ACSL3: variants seen among roughly 807,000 people sequenced by gnomAD.
ACSL3 encodes fatty acid CoA ligase Acsl3.
Under a neutral mutation model 84.7 loss-of-function variants are expected in ACSL3, and 34 were observed. That is an observed-to-expected ratio of 0.40 (90% CI 0.31 to 0.53). The LOEUF (loss-of-function observed/expected upper bound fraction) is 0.53. ACSL3 is among the 20% of genes least tolerant of loss of function. The pLI, the probability that ACSL3 is intolerant of heterozygous loss-of-function variation, is 0.48. For missense variants in ACSL3, 680 were observed against 873.1 expected (o/e 0.78, Z 2.79); for synonymous variants, 315 against 299.4 (o/e 1.05, Z -0.54).
At position 222,908,962 on chromosome 2, in the gene ACSL3, C is replaced by T. The variant is rs547612841; in HGVS notation, c.190C>T (p.Pro64Ser). ...RIKAKPVNSK[P>S]DSAYRSVNSL... Reference sequence around the variant, plus strand: ...TAAAGCAAAGCCTGTAAATTCAAAACCTGATTCTGCATACAGATCTGTTAA... The same window carrying T: ...TAAAGCAAAGCCTGTAAATTCAAAATCTGATTCTGCATACAGATCTGTTAA... The change falls in exon 4 of 17, where the codon CCT becomes TCT. Residue 64 changes from proline to serine, a missense_variant. Around this residue, in one of 2 missense-constraint regions of ACSL3, gnomAD observed 333 missense variants for 347.5 expected, o/e 0.96. Transcript: ENST00000357430. The T allele has an allele frequency of 5.9e-5, 95 of 1,613,476 alleles. No homozygotes were observed. The South Asian group carries it at 9.3e-4, about 16-fold the overall frequency.
Position 222,918,064 on chromosome 2 carries a change from C to T in ACSL3, c.575C>T (p.Thr192Ile). The T allele has an allele frequency of 6.2e-7, 1 of 1,611,704 alleles. No homozygotes were observed. Among genetic ancestry groups the T allele is most frequent in the Non-Finnish European group, 8.5e-7 (1 of 1,178,580 alleles). Residue 192 changes from threonine to isoleucine, a missense_variant, in exon 6 of 17, where the codon ACT (threonine) becomes ATT (isoleucine). Thr to Ile is a moderately conservative substitution (Grantham distance 89). Around this residue, in one of 2 missense-constraint regions of ACSL3, gnomAD observed 333 missense variants for 347.5 expected, o/e 0.96. Coordinates refer to ENST00000357430, the MANE Select transcript of ACSL3 (RefSeq NM_004457.5). The stretch of plus-strand genomic sequence containing the variant: ...CTTTTAGTTGTTACATTATATGCCA[C>T]TCTAGGAGGTCCAGCCATTGTTCAT... Reference protein sequence around the residue: ...YNFQLVTLYATLGGPAIVHAL... With the variant: ...YNFQLVTLYAILGGPAIVHAL...
chr2:222,935,293 G>A (rs574169419), intron 16 of ACSL3, among the ~76,000 whole-genome samples: 26 of 152,226 alleles, frequency 1.7e-4, no homozygotes, highest in African/African-American at 6.0e-4. Context: ...AGGCTCAAGC[G>A]ATTCTTCCCT....
intron 2 of ACSL3, among the ~76,000 whole-genome samples, chr2:222,898,943 T>C (rs944534289): frequency 1.3e-5 from 2 of 152,192 alleles, no homozygotes; most frequent in Non-Finnish European, 2.9e-5. Flanking sequence ...AGGAACAGAA[T>C]GGTGTTTAGA....
At chr2:222,884,444 A>T (rs1032443163) in intron 1 of ACSL3, among the ~76,000 whole-genome samples, 7 of 152,216 alleles carry the variant, frequency 4.6e-5, no homozygotes, top group Non-Finnish European at 4.4e-5. Flanking sequence ...AATCAGTGTT[A>T]CTGGGTTGAA....
Position 222,916,496 on chromosome 2 carries a change from C to G in ACSL3, c.556C>G (p.Leu186Val), listed in dbSNP as rs748289341. ...GGCGTGTTTTATGTATAATTTTCAG[C>G]GTATGTAGACTTTCTTATCTTCTGG... ...AQACFMYNFQ[L>V]VTLYATLGGP... The change falls in exon 5 of 17, where the codon CTT (leucine) becomes GTT (valine). Residue 186 changes from leucine to valine, a missense_variant and splice_region_variant. This residue lies in a region of ACSL3 where 333 missense variants were observed against 347.5 expected (regional missense o/e 0.96). Coordinates refer to ENST00000357430, the MANE Select transcript of ACSL3 (RefSeq NM_004457.5). 6 of 1,570,550 alleles carry G rather than the reference C, an allele frequency of 3.8e-6. No individual in the cohort carries two copies. The African/African-American group carries it at 8.2e-5, about 21-fold the overall frequency.
intron 12 of ACSL3, 27 bp from the exon 13 acceptor site, chr2:222,928,835 A>G (rs1181371885): frequency 1.3e-6 from 2 of 1,588,434 alleles, no homozygotes; most frequent in East Asian, 4.5e-5. Context: ...CTGTTCTCAA[A>G]TATCCTTTTT....
At chr2:222,928,960 A>T in intron 13 of ACSL3, 24 bp downstream of exon 13, 1 of 1,589,464 alleles carries the variant, frequency 6.3e-7, no homozygotes, top group South Asian at 1.1e-5. Context: ...TTAACCACAG[A>T]GCATTAATTT....
At chr2:222,901,131 C>T (rs986492851) in intron 3 of ACSL3, among the ~76,000 whole-genome samples, 9 of 152,190 alleles carry the variant, frequency 5.9e-5, no homozygotes, top group African/African-American at 2.2e-4. Flanking sequence ...AAGAAGATTT[C>T]TCAGAAAATG....
intron 13 of ACSL3, among the ~76,000 whole-genome samples, chr2:222,930,393 A>G (rs1379275923): frequency 6.6e-6 from 1 of 152,106 alleles, no homozygotes; most frequent in African/African-American, 2.4e-5. Context: ...TTAGAGTTTA[A>G]TTTTTTTCTC....
chr2:222,920,069 A>G (rs900205531), intron 7 of ACSL3, among the ~76,000 whole-genome samples: 8 of 152,158 alleles, frequency 5.3e-5, no homozygotes, highest in African/African-American at 1.9e-4. Flanking sequence ...GCCAAGGGAA[A>G]GGAGATCTTG....
At position 222,942,890 on chromosome 2, in the gene ACSL3, G is replaced by A. The variant is rs567310156; in HGVS notation, c.*1236G>A. The A allele has an allele frequency of 4.0e-5, 8 of 200,182 alleles. No individual in the cohort carries two copies. The highest frequency in any genetic ancestry group is 1.4e-4 in the Admixed American group (2 of 14,266). 12.4% of individuals were successfully genotyped at this position (200,182 alleles called of 1,614,324 possible). On this transcript the variant is annotated 3_prime_UTR_variant, in exon 17 of 17. Coordinates refer to ENST00000357430, the MANE Select transcript of ACSL3 (RefSeq NM_004457.5). ...CATTGTTGAAGTTATTTGTAATTCA[G>A]AAACCTTGCTTGTGTGATACATAGT...
At chr2:222,890,342 T>G (rs1053618130) in intron 2 of ACSL3, among the ~76,000 whole-genome samples, 2 of 152,206 alleles carry the variant, frequency 1.3e-5, no homozygotes, top group African/African-American at 4.8e-5. Flanking sequence ...GAAAATATAT[T>G]CTGGGTAGAC....
In ACSL3 at chr2:222,942,426, CTT is replaced by C. The variant is rs1697336336; in HGVS notation, c.*773_*774del. The C allele has an allele frequency of 5.2e-6, 1 of 193,184 alleles. No individual in the cohort carries two copies. The highest frequency in any genetic ancestry group is 1.9e-4 in the South Asian group (1 of 5,174). The allele number at this position is 193,184 out of a possible 1,614,324, so 12.0% of individuals were successfully genotyped here. A position where few individuals can be genotyped will look rare whatever the true frequency, so the allele number is the denominator to read the frequency against. ...TTACTGTCAAAATGTTCAATGAAGT[CTT>C]CTGTTCATCTGTTGAAACTAGGAAA... On this transcript the variant is annotated 3_prime_UTR_variant, in exon 17 of 17. Coordinates refer to ENST00000357430, the MANE Select transcript of ACSL3 (RefSeq NM_004457.5).
At chr2:222,868,249 G>T (rs1695206519) in intron 1 of ACSL3, among the ~76,000 whole-genome samples, 1 of 152,112 alleles carries the variant, frequency 6.6e-6, no homozygotes, top group Non-Finnish European at 1.5e-5. Flanking sequence ...TCAGAGTTAA[G>T]ATTGCTTGGA....
At chr2:222,886,458 CAA>C (rs1232839365) in intron 1 of ACSL3, among the ~76,000 whole-genome samples, 2 of 152,034 alleles carry the variant, frequency 1.3e-5, no homozygotes, top group Admixed American at 6.6e-5. Context: ...AAATTAATAA[CAA>C]ATTAAAAGTT....
intron 2 of ACSL3, among the ~76,000 whole-genome samples, chr2:222,894,916 C>G (rs554834239): frequency 6.6e-6 from 1 of 152,190 alleles, no homozygotes; most frequent in East Asian, 1.9e-4. Context: ...GCCACTGAAA[C>G]AGTACTGCCA....
At chr2:222,875,202 C>G (rs182899447) in intron 1 of ACSL3, among the ~76,000 whole-genome samples, 26 of 152,146 alleles carry the variant, frequency 1.7e-4, no homozygotes, top group African/African-American at 5.8e-4. Flanking sequence ...CTCCTTCCAG[C>G]TCTCTGAAGA....
At chr2:222,867,309 G>T (rs1217611171) in intron 1 of ACSL3, among the ~76,000 whole-genome samples, 2 of 152,076 alleles carry the variant, frequency 1.3e-5, no homozygotes, top group Non-Finnish European at 2.9e-5. Context: ...CGCACTTTCT[G>T]TATGTTTGAA....
intron 2 of ACSL3, among the ~76,000 whole-genome samples, chr2:222,899,489 AT>A (rs764542308): frequency 1.3e-5 from 2 of 152,180 alleles, no homozygotes; most frequent in African/African-American, 2.4e-5. Context: ...GAATAAAAAA[AT>A]AAATAAATAA....
Sources: allele counts gnomAD v4.1 joint callset (sites outside exome capture counted in the v4.1 genomes callset), GRCh38; gene constraint gnomAD v4.1.1; regional missense constraint gnomAD v4.1.1; transcripts MANE v1.5; gene names NCBI Gene and HGNC (gene_info 2026-07-23, HGNC 2026-07-21).